Variants in PCDHGB3 observed in about 807,000 individuals in gnomAD.
PCDHGB3 encodes the protein protocadherin gamma-B3.
Under a neutral mutation model 59.2 loss-of-function variants are expected in PCDHGB3, and 40 were observed. The observed-to-expected ratio is 0.68, with a 90% CI of 0.52 to 0.88. The LOEUF (loss-of-function observed/expected upper bound fraction) is 0.88, where lower values mean the gene tolerates loss of function less well. Ranked by LOEUF, PCDHGB3 falls within the 40% of genes least tolerant of loss-of-function variation. The probability of loss-of-function intolerance (pLI) is 0.00; values close to 1 mark genes in which losing one functional copy is unlikely to be tolerated. For missense variants in PCDHGB3, 1,309 were observed against 1,187.9 expected, an observed-to-expected ratio of 1.10 and a Z score of -1.50; for synonymous variants, 581 against 503.6, an observed-to-expected ratio of 1.15 and a Z score of -2.06.
intron 1 of PCDHGB3, among the ~76,000 whole-genome samples, chr5:141,449,762 G>T (rs909809198): frequency 6.6e-6 from 1 of 151,458 alleles, no homozygotes; most frequent in Non-Finnish European, 1.5e-5. Context: ...ACATTTGAGA[G>T]TAAGTTGTAG....
intron 1 of PCDHGB3, chr5:141,422,554 G>A (rs753985751): frequency 1.2e-5 from 19 of 1,613,870 alleles, no homozygotes; most frequent in Non-Finnish European, 1.6e-5. Flanking sequence ...CTGGCTGAAT[G>A]TGGCAGATGA....
chr5:141,451,299 A>T (rs1016384424), intron 1 of PCDHGB3, among the ~76,000 whole-genome samples: 17 of 152,228 alleles, frequency 1.1e-4, no homozygotes, highest in African/African-American at 3.4e-4. Flanking sequence ...AAAGTCTTAC[A>T]AGGCAGCAAT....
intron 1 of PCDHGB3, chr5:141,391,220 T>C (rs1189350408): frequency 6.6e-6 from 1 of 152,208 alleles, no homozygotes; most frequent in South Asian, 2.1e-4. Context: ...GAACATTATA[T>C]GAGCCTTTTG....
At chr5:141,384,897 C>T in intron 1 of PCDHGB3, 4 of 1,613,922 alleles carry the variant, frequency 2.5e-6, no homozygotes, top group Non-Finnish European at 3.4e-6. Context: ...CTGTGGCTGA[C>T]AGCATCCCCG....
chr5:141,428,495 T>C (rs1023405537), intron 1 of PCDHGB3: 3 of 295,346 alleles, frequency 1.0e-5, no homozygotes, highest in African/African-American at 6.5e-5. Flanking sequence ...AATCTGTATG[T>C]TCCCTCGGAT....
chr5:141,371,543 A>T lies in PCDHGB3; in HGVS notation c.1149A>T (p.Leu383=). The T allele has an allele frequency of 6.2e-7, 1 of 1,613,812 alleles. No homozygotes were observed. The highest frequency in any genetic ancestry group is 8.5e-7 in the Non-Finnish European group (1 of 1,179,738). The change falls in exon 1 of 4, where the codon CTA becomes CTT. Residue 383 remains leucine (L), a synonymous_variant. Transcript: ENST00000576222. ...DLDSGFNGEI[L]CQLKGNFPFK... is the part of the protein sequence containing the mutation. ...ATTCTGGATTTAATGGAGAAATCCT[A>T]TGCCAACTAAAAGGAAACTTCCCCT...
At chr5:141,499,553 A>T (rs1215178587) in intron 2 of PCDHGB3, among the ~76,000 whole-genome samples, 3 of 152,206 alleles carry the variant, frequency 2.0e-5, no homozygotes, top group African/African-American at 4.8e-5. Context: ...CCTGTATGAT[A>T]CCACTATCCA....
At chr5:141,492,242 C>G (rs2099738685) in intron 1 of PCDHGB3, among the ~76,000 whole-genome samples, 1 of 152,190 alleles carries the variant, frequency 6.6e-6, no homozygotes, top group Admixed American at 6.5e-5. Flanking sequence ...GCTGGCCACC[C>G]CCACGGCCCA....
At chr5:141,407,889 G>T (rs1378600394) in intron 1 of PCDHGB3, 1 of 389,100 alleles carries the variant, frequency 2.6e-6, no homozygotes, top group Non-Finnish European at 4.6e-6. Context: ...TTCGGAGACC[G>T]AATTCAAAAT....
rs187177915 is a variant in PCDHGB3 at position 141,472,338 on chromosome 5, G to A, written c.2416-22469G>A. ...AGGCAGATCACGAGGTTGGGAGATC[G>A]AGACCATCCTGGCTAACACGGTGAA... On this transcript the variant is annotated intron_variant, in intron 1 of 3. Transcript: ENST00000576222. Among the ~76,000 whole-genome samples, 23 of 151,526 alleles carry A rather than the reference G, an allele frequency of 1.5e-4. No homozygotes were observed. The East Asian group carries it at 3.2e-3, about 21-fold the overall frequency.
Position 141,385,046 on chromosome 5 carries a change from T to C in PCDHGB3, c.2415+12237T>C, listed in dbSNP as rs777247092. 1.9e-6 allele frequency: 3 copies of C among 1,614,038 alleles called. No homozygotes were observed. The Admixed American group carries it at 5.0e-5, about 27-fold the overall frequency. Reference sequence around the variant, plus strand: ...GTCCTCGTACTGCTGGCGCTCAGGCTGCGGCGCTGGCACAAGTCACGCCTG... The same window carrying C: ...GTCCTCGTACTGCTGGCGCTCAGGCCGCGGCGCTGGCACAAGTCACGCCTG... On this transcript the variant is annotated intron_variant, in intron 1 of 3. Coordinates refer to ENST00000576222, the MANE Select transcript of PCDHGB3 (RefSeq NM_018924.5).
At chr5:141,501,600 C>G (rs1320824291) in intron 2 of PCDHGB3, among the ~76,000 whole-genome samples, 1 of 152,040 alleles carries the variant, frequency 6.6e-6, no homozygotes, top group Admixed American at 6.6e-5. Flanking sequence ...TCTACCAGTT[C>G]CAGCTGTGTG....
intron 1 of PCDHGB3, chr5:141,377,057 C>A (rs72790015): frequency 0.063 from 9,654 of 152,822 alleles, 351 homozygotes; most frequent in African/African-American, 0.097. Context: ...TTTTCTTAGC[C>A]CTTTGCAGAG....
intron 1 of PCDHGB3, chr5:141,394,811 C>T (rs1225635250): frequency 6.2e-7 from 1 of 1,613,888 alleles, no homozygotes; most frequent in African/African-American, 1.3e-5. Flanking sequence ...CCGTGGCTGA[C>T]AGCATCCCCG....
intron 2 of PCDHGB3, among the ~76,000 whole-genome samples, chr5:141,500,001 A>G (rs961582279): frequency 6.6e-5 from 10 of 151,914 alleles, no homozygotes; most frequent in African/African-American, 2.4e-4. Context: ...TGATTCTTTC[A>G]TAAGGTCCAC....
intron 1 of PCDHGB3, chr5:141,393,452 G>A (rs189963623): frequency 6.2e-7 from 1 of 1,614,030 alleles, no homozygotes; most frequent in Non-Finnish European, 8.5e-7. Context: ...TGGTCCTCAC[G>A]GCCTCGGATG....
At chr5:141,437,659 C>T (rs1006268414) in intron 1 of PCDHGB3, among the ~76,000 whole-genome samples, 10 of 151,870 alleles carry the variant, frequency 6.6e-5, no homozygotes, top group East Asian at 3.9e-4. Context: ...CACATAGTTT[C>T]GAAGAGATGT....
chr5:141,370,823 C>T lies in PCDHGB3; in HGVS notation c.429C>T (p.Ser143=), dbSNP rs764531085. ...FSQNITELEI[S]ELALTGATFA... The stretch of plus-strand genomic sequence containing the variant: ...AAAATATCACTGAGCTGGAAATCAG[C>T]GAACTGGCTCTCACTGGAGCCACAT... The change falls in exon 1 of 4, where the codon AGC becomes AGT. Residue 143 remains serine, a synonymous_variant. Transcript: ENST00000576222. 167 of 1,613,906 alleles carry T rather than the reference C, an allele frequency of 1.0e-4. No individual in the cohort carries two copies. Among genetic ancestry groups the T allele is most frequent in the Non-Finnish European group, 1.2e-4 (145 of 1,179,884 alleles).
intron 1 of PCDHGB3, among the ~76,000 whole-genome samples, chr5:141,449,674 TA>T (rs2154562752): frequency 6.6e-6 from 1 of 151,604 alleles, no homozygotes; most frequent in African/African-American, 2.4e-5. Context: ...AGTGTGTATG[TA>T]TATATGTTTG....
Sources: allele counts gnomAD v4.1 joint callset (sites outside exome capture counted in the v4.1 genomes callset), GRCh38; gene constraint gnomAD v4.1.1; transcripts MANE v1.5; gene names NCBI Gene and HGNC (gene_info 2026-07-23, HGNC 2026-07-21).